Variants in DAGLA observed in about 807,000 individuals in gnomAD.
The protein encoded by DAGLA is diacylglycerol lipase-alpha.
DAGLA carries 22 observed loss-of-function variants against 102.6 expected under a neutral mutation model. The observed-to-expected ratio is 0.21, with a 90% CI of 0.15 to 0.31. DAGLA has a LOEUF of 0.31. Among genes scored for constraint, DAGLA ranks in the 10% least tolerant of loss-of-function variants. DAGLA has a pLI of 1.00. For synonymous variants in DAGLA, 578 were observed against 628.9 expected, an observed-to-expected ratio of 0.92 and a Z score of 1.21; for missense variants, 927 against 1,446.6, an observed-to-expected ratio of 0.64 and a Z score of 5.83.
At chr11:61,680,716 G>C (rs1262499745) in intron 1 of DAGLA, among the ~76,000 whole-genome samples, 2 of 151,974 alleles carry the variant, frequency 1.3e-5, no homozygotes, top group Non-Finnish European at 2.9e-5. Flanking sequence ...ACGGGCGTGG[G>C]CAACGTGGGT....
At chr11:61,685,046 C>G (rs375188489) in intron 1 of DAGLA, among the ~76,000 whole-genome samples, 9 of 152,146 alleles carry the variant, frequency 5.9e-5, no homozygotes, top group African/African-American at 2.2e-4. Context: ...ACGCCTGCTT[C>G]CATGCTCCTC....
In DAGLA at chr11:61,729,909, C is replaced by CA. The variant is rs1390015549; in HGVS notation, c.849+915dup. Reference sequence around the variant, plus strand: ...GCAACATAGTGAGACCCTGTCTCTACAAAAAAAAAAAAAATTAGCCAAGCA... The same window carrying CA: ...GCAACATAGTGAGACCCTGTCTCTACAAAAAAAAAAAAAAATTAGCCAAGCA... On this transcript the variant is annotated intron_variant, in intron 8 of 19. Transcript: ENST00000257215. Among the ~76,000 whole-genome samples, 833 of 122,722 alleles carry CA rather than the reference C, an allele frequency of 6.8e-3. 4 individuals carry two copies. The highest frequency in any genetic ancestry group is 0.012 in the African/African-American group (378 of 32,718). 80.5% of individuals were successfully genotyped at this position (122,722 alleles called of 152,430 possible).
At position 61,744,080 on chromosome 11, in the gene DAGLA, G is replaced by A; in HGVS notation, c.2720G>A (p.Ser907Asn). The change falls in exon 20 of 20, where the codon AGT becomes AAT. Residue 907 changes from serine (S) to asparagine (N), a missense_variant. By Grantham distance (46) the Ser-to-Asn change is conservative. Around this residue, in one of 4 missense-constraint regions of DAGLA, gnomAD observed 434 missense variants for 503.3 expected, o/e 0.86. Coordinates refer to ENST00000257215, the MANE Select transcript of DAGLA (RefSeq NM_006133.3). Reference protein sequence around the residue: ...LHNGRLGDSPSPQVLEFAEFI... With the variant: ...LHNGRLGDSPNPQVLEFAEFI... Reference sequence around the variant, plus strand: ...AATGGGCGCCTGGGGGACTCGCCCAGTCCTCAGGTGCTGGAATTCGCCGAG... The same window carrying A: ...AATGGGCGCCTGGGGGACTCGCCCAATCCTCAGGTGCTGGAATTCGCCGAG... 1 of 1,612,888 alleles carries A rather than the reference G, an allele frequency of 6.2e-7. No homozygotes were observed. Among genetic ancestry groups the A allele is most frequent in the Non-Finnish European group, 8.5e-7 (1 of 1,179,976 alleles).
At chr11:61,712,512 C>G (rs1412479679) in intron 1 of DAGLA, among the ~76,000 whole-genome samples, 2 of 152,238 alleles carry the variant, frequency 1.3e-5, no homozygotes, top group African/African-American at 4.8e-5. Flanking sequence ...GTTTTCATCC[C>G]TAGGCCTGGG....
At chr11:61,695,340 G>A (rs2065056737) in intron 1 of DAGLA, among the ~76,000 whole-genome samples, 1 of 152,190 alleles carries the variant, frequency 6.6e-6, no homozygotes, top group Non-Finnish European at 1.5e-5. Context: ...TCGGAGCTCT[G>A]TGCTCACTGA....
In DAGLA at chr11:61,740,586, C is replaced by T. The variant is rs1413856880; in HGVS notation, c.1977C>T (p.Leu659=). The part of the protein sequence containing the change: ...EHLPYVVMEG[L]NKVLENYNKG... ...TGCCCTATGTGGTCATGGAGGGGCT[C>T]AACAAGGTGAGGCAGCTCCCGGCAG... The change falls in exon 18 of 20, where the codon CTC becomes CTT. Residue 659 remains leucine, a synonymous_variant. Transcript: ENST00000257215. 1 of 1,613,386 alleles carries T rather than the reference C, an allele frequency of 6.2e-7. No individual in the cohort carries two copies. The highest frequency in any genetic ancestry group is 8.5e-7 in the Non-Finnish European group (1 of 1,179,816).
At chr11:61,690,935 C>T (rs557195782) in intron 1 of DAGLA, among the ~76,000 whole-genome samples, 2 of 152,228 alleles carry the variant, frequency 1.3e-5, no homozygotes, top group African/African-American at 4.8e-5. Context: ...CCGACCTTCA[C>T]CGACCCTGTA....
intron 1 of DAGLA, among the ~76,000 whole-genome samples, chr11:61,693,449 A>G (rs1003945844): frequency 5.9e-5 from 9 of 151,482 alleles, no homozygotes; most frequent in African/African-American, 2.2e-4. Flanking sequence ...CCTGGGTTTA[A>G]GCGATTCTCC....
intron 1 of DAGLA, among the ~76,000 whole-genome samples, chr11:61,718,665 A>G (rs2065256928): frequency 9.7e-6 from 1 of 103,502 alleles, no homozygotes; most frequent in South Asian, 3.5e-4. Context: ...CCTGCCTCCC[A>G]GAAGCTGAGC....
At chr11:61,705,591 G>A (rs1192337684) in intron 1 of DAGLA, among the ~76,000 whole-genome samples, 3 of 152,226 alleles carry the variant, frequency 2.0e-5, no homozygotes, top group Non-Finnish European at 2.9e-5. Flanking sequence ...GCCTGAGCAC[G>A]TGTCAGAGGA....
intron 1 of DAGLA, among the ~76,000 whole-genome samples, chr11:61,681,686 G>T (rs1463700949): frequency 2.0e-5 from 3 of 151,944 alleles, no homozygotes; most frequent in Non-Finnish European, 4.4e-5. Context: ...GCAGCCACTG[G>T]GAATCTGCTG....
chr11:61,741,651 C>T (rs1591055729), intron 19 of DAGLA, among the ~76,000 whole-genome samples: 1 of 150,612 alleles, frequency 6.6e-6, no homozygotes, highest in Non-Finnish European at 1.5e-5. Flanking sequence ...CGCTCTTTTC[C>T]CCCAGGCCGG....
chr11:61,718,398 T>C (rs528258501), intron 1 of DAGLA, among the ~76,000 whole-genome samples: 2 of 152,248 alleles, frequency 1.3e-5, no homozygotes, highest in Admixed American at 1.3e-4. Flanking sequence ...CCTTACCCTC[T>C]GTGAGCTACT....
At chr11:61,694,782 G>A (rs545166246) in intron 1 of DAGLA, among the ~76,000 whole-genome samples, 52 of 152,122 alleles carry the variant, frequency 3.4e-4, no homozygotes, top group African/African-American at 1.3e-3. Context: ...GGATTCATGC[G>A]GTCACATGTT....
intron 6 of DAGLA, among the ~76,000 whole-genome samples, chr11:61,727,862 C>G (rs2065342397): frequency 6.6e-6 from 1 of 152,192 alleles, no homozygotes; most frequent in South Asian, 2.1e-4. Flanking sequence ...AGGAGTGGCT[C>G]AAGTTGGCGC....
intron 1 of DAGLA, among the ~76,000 whole-genome samples, chr11:61,692,536 C>T (rs1175443602): frequency 6.6e-6 from 1 of 152,144 alleles, no homozygotes; most frequent in Non-Finnish European, 1.5e-5. Context: ...GGCGACCACT[C>T]ATTGCCTGAG....
chr11:61,732,042 C>T (rs796267849), intron 9 of DAGLA, among the ~76,000 whole-genome samples: 16 of 152,316 alleles, frequency 1.1e-4, no homozygotes, highest in African/African-American at 3.4e-4. Flanking sequence ...GCTCTGCGCT[C>T]AGCCCACCGC....
chr11:61,723,000 G>C (rs200300429), intron 4 of DAGLA, 40 bp downstream of exon 4: 22 of 1,468,064 alleles, frequency 1.5e-5, no homozygotes, highest in Admixed American at 3.3e-5. Flanking sequence ...CAGCAGCCCC[G>C]GGGGCACAGG....
At chr11:61,725,955 G>T in intron 5 of DAGLA, 40 bp from the exon 6 acceptor site, 1 of 1,575,164 alleles carries the variant, frequency 6.3e-7, no homozygotes. Context: ...TTCTGGTCCA[G>T]CCCTCTGACC....
Sources: allele counts gnomAD v4.1 joint callset (sites outside exome capture counted in the v4.1 genomes callset), GRCh38; gene constraint gnomAD v4.1.1; regional missense constraint gnomAD v4.1.1; transcripts MANE v1.5; gene names NCBI Gene and HGNC (gene_info 2026-07-23, HGNC 2026-07-21).